The following PLEKHA2 variants were observed in gnomAD, a reference collection of about 807,000 sequenced individuals.
The protein encoded by PLEKHA2 is pleckstrin homology domain-containing family A member 2.
A neutral mutation model predicts 53.2 loss-of-function variants in PLEKHA2; 28 were observed. The observed-to-expected ratio is 0.53, with a 90% CI of 0.39 to 0.72. The LOEUF is 0.72. Among genes scored for constraint, PLEKHA2 ranks in the 30% least tolerant of loss-of-function variants. PLEKHA2 has a pLI of 0.00. For missense variants in PLEKHA2, 426 were observed against 537.9 expected (o/e 0.79, Z 2.06); for synonymous variants, 193 against 196.4 (o/e 0.98, Z 0.14).
At chr8:38,916,900 G>A (rs1353240085) in intron 1 of PLEKHA2, among the ~76,000 whole-genome samples, 2 of 152,162 alleles carry the variant, frequency 1.3e-5, no homozygotes, top group African/African-American at 4.8e-5. Context: ...TACCGTACAA[G>A]GGTTCCCTTT....
intron 6 of PLEKHA2, among the ~76,000 whole-genome samples, chr8:38,951,870 T>TAAAA (rs1834850190): frequency 6.6e-6 from 1 of 152,176 alleles, no homozygotes; most frequent in African/African-American, 2.4e-5. Context: ...TTCTTTTTTT[T>TAAAA]AATTTTTAAA....
At chr8:38,956,731 G>A (rs553312930) in intron 9 of PLEKHA2, among the ~76,000 whole-genome samples, 9 of 152,224 alleles carry the variant, frequency 5.9e-5, no homozygotes, top group East Asian at 1.9e-4. Context: ...GCAACAGAGC[G>A]AGACCCTGTC....
chr8:38,958,179 T>G (rs1834975895), intron 10 of PLEKHA2, among the ~76,000 whole-genome samples: 1 of 151,932 alleles, frequency 6.6e-6, no homozygotes, highest in South Asian at 2.1e-4. Flanking sequence ...ACAAAAAAAT[T>G]AGCTGGACAT....
intron 9 of PLEKHA2, among the ~76,000 whole-genome samples, chr8:38,954,459 A>G (rs1400795827): frequency 1.3e-5 from 2 of 152,210 alleles, no homozygotes; most frequent in Non-Finnish European, 2.9e-5. Flanking sequence ...ACCTGGGCAC[A>G]TGGGGGAAGC....
chr8:38,940,353 C>T (rs913386471), intron 3 of PLEKHA2, among the ~76,000 whole-genome samples: 13 of 151,886 alleles, frequency 8.6e-5, no homozygotes, highest in African/African-American at 2.7e-4. Flanking sequence ...GAGCCAAGAT[C>T]GTGCCATTGC....
At chr8:38,950,691 C>T in intron 5 of PLEKHA2, 159 bp from the exon 6 acceptor site, 2 of 788,270 alleles carry the variant, frequency 2.5e-6, no homozygotes, top group Non-Finnish European at 3.9e-6. Flanking sequence ...TTGAGATGCT[C>T]ATATTCAGAT....
At chr8:38,944,948 G>C (rs1048624007) in intron 4 of PLEKHA2, among the ~76,000 whole-genome samples, 5 of 152,334 alleles carry the variant, frequency 3.3e-5, no homozygotes, top group Admixed American at 2.0e-4. Flanking sequence ...GCTCAGAAAA[G>C]ATGGAGGACT....
chr8:38,916,049 C>T (rs1430049547), intron 1 of PLEKHA2, among the ~76,000 whole-genome samples: 1 of 152,104 alleles, frequency 6.6e-6, no homozygotes, highest in Non-Finnish European at 1.5e-5. Context: ...GATCTCGTCT[C>T]ACTATAACCT....
intron 3 of PLEKHA2, among the ~76,000 whole-genome samples, chr8:38,942,884 T>G (rs976916694): frequency 2.6e-5 from 4 of 152,124 alleles, no homozygotes. Context: ...CCCTGAGATA[T>G]ATAGGAATGT....
At chr8:38,954,008 A>G (rs1834891600) in intron 9 of PLEKHA2, among the ~76,000 whole-genome samples, 1 of 152,210 alleles carries the variant, frequency 6.6e-6, no homozygotes, top group African/African-American at 2.4e-5. Context: ...ACAGATGCCT[A>G]TAGAACTAAA....
chr8:38,963,985 G>T (rs1305150690), intron 10 of PLEKHA2, among the ~76,000 whole-genome samples: 1 of 152,076 alleles, frequency 6.6e-6, no homozygotes, highest in African/African-American at 2.4e-5. Flanking sequence ...TATTAGCAAA[G>T]ATTTAAAAAA....
intron 10 of PLEKHA2, among the ~76,000 whole-genome samples, chr8:38,963,441 T>C (rs574699727): frequency 6.6e-6 from 1 of 152,362 alleles, no homozygotes; most frequent in South Asian, 2.1e-4. Context: ...TACTTTGTGA[T>C]GTGGTTTTAC....
chr8:38,944,019 A>G (rs1233650407), intron 4 of PLEKHA2, among the ~76,000 whole-genome samples, 182 bp downstream of exon 4: 1 of 152,134 alleles, frequency 6.6e-6, no homozygotes, highest in East Asian at 1.9e-4. Flanking sequence ...AAGGTTGTTA[A>G]TAACATAAGG....
intron 1 of PLEKHA2, among the ~76,000 whole-genome samples, chr8:38,909,746 C>T (rs762108587): frequency 5.3e-5 from 8 of 152,112 alleles, no homozygotes; most frequent in African/African-American, 1.9e-4. Flanking sequence ...TGGCAGGTGT[C>T]GGCCAGGAAT....
intron 10 of PLEKHA2, 63 bp downstream of exon 10, chr8:38,957,449 C>T (rs765189984): frequency 1.6e-4 from 217 of 1,366,656 alleles, no homozygotes; most frequent in Non-Finnish European, 2.1e-4. Flanking sequence ...CCTCACAGGC[C>T]GTGTCCTTTC....
intron 1 of PLEKHA2, among the ~76,000 whole-genome samples, chr8:38,913,662 C>T (rs1343979275): frequency 2.0e-5 from 3 of 152,200 alleles, no homozygotes; most frequent in Admixed American, 6.5e-5. Context: ...GCACCCTTCC[C>T]GGAATGCTGA....
intron 8 of PLEKHA2, 120 bp from the exon 9 acceptor site, chr8:38,953,177 G>C: frequency 1.2e-6 from 1 of 836,648 alleles, no homozygotes; most frequent in Non-Finnish European, 2.0e-6. Flanking sequence ...TTTGAGACCA[G>C]ATTATTTGTC....
chr8:38,961,111 AT>A (rs1414089465), intron 10 of PLEKHA2, among the ~76,000 whole-genome samples: 2 of 152,206 alleles, frequency 1.3e-5, no homozygotes, highest in Non-Finnish European at 1.5e-5. Context: ...GGTAGCCAGA[AT>A]TTTTTTTGAA....
intron 1 of PLEKHA2, chr8:38,901,652 C>T (rs1027632194): frequency 1.3e-5 from 2 of 152,130 alleles, no homozygotes; most frequent in African/African-American, 4.8e-5. Flanking sequence ...TCCTCCAACC[C>T]TCTGGGAGAG....
Sources: allele counts gnomAD v4.1 joint callset (sites outside exome capture counted in the v4.1 genomes callset), GRCh38; gene constraint gnomAD v4.1.1; transcripts MANE v1.5; gene names NCBI Gene and HGNC (gene_info 2026-07-23, HGNC 2026-07-21).